WARS2: variants seen among roughly 807,000 people sequenced by gnomAD.
WARS2 encodes tryptophan--tRNA ligase, mitochondrial.
A neutral mutation model predicts 36.5 loss-of-function variants in WARS2; 28 were observed. That is an observed-to-expected ratio of 0.77 (90% CI 0.57 to 1.05). WARS2 has a LOEUF of 1.05. Among genes scored for constraint, WARS2 ranks in the 50% least tolerant of loss-of-function variants. WARS2 has a pLI of 0.00. For missense variants in WARS2, 435 were observed against 456.8 expected, an observed-to-expected ratio of 0.95 and a Z score of 0.44; for synonymous variants, 174 against 178.4, an observed-to-expected ratio of 0.98 and a Z score of 0.20.
Position 119,103,012 on chromosome 1 carries a change from T to C in WARS2, c.91-26405A>G, listed in dbSNP as rs74500646. Among the ~76,000 whole-genome samples the C allele has an allele frequency of 7.5e-3, 1,136 of 152,354 alleles. 4 individuals are homozygous for C. The highest frequency in any genetic ancestry group is 0.013 in the Non-Finnish European group (858 of 68,026). The stretch of plus-strand genomic sequence containing the variant: ...TTTTTATTCTCAATAAATGGGGATC[T>C]AAAGCAGCAGTTTTCTACTTTTTTT... On this transcript the variant is annotated intron_variant, in intron 1 of 5. Transcript: ENST00000235521.
chr1:119,113,950 T>C (rs940406012), intron 1 of WARS2, among the ~76,000 whole-genome samples: 6 of 152,162 alleles, frequency 3.9e-5, no homozygotes, highest in Non-Finnish European at 8.8e-5. Flanking sequence ...TAAACTTGTC[T>C]ATTCTAAGTT....
intron 2 of WARS2, among the ~76,000 whole-genome samples, chr1:119,068,737 A>G (rs1014429923): frequency 1.3e-5 from 2 of 152,174 alleles, no homozygotes; most frequent in African/African-American, 4.8e-5. Context: ...GAAATAAAAG[A>G]CCATTAACTA....
intron 2 of WARS2, among the ~76,000 whole-genome samples, chr1:119,050,200 A>C (rs2101149980): frequency 6.6e-6 from 1 of 152,174 alleles, no homozygotes; most frequent in Non-Finnish European, 1.5e-5. Flanking sequence ...CTCTTACATT[A>C]AGGGCTTGCA....
At chr1:119,069,639 T>C (rs904489841) in intron 2 of WARS2, among the ~76,000 whole-genome samples, 3 of 152,178 alleles carry the variant, frequency 2.0e-5, no homozygotes, top group Non-Finnish European at 4.4e-5. Context: ...AGTGGTGTAG[T>C]AGAAGAAACA....
intron 1 of WARS2, among the ~76,000 whole-genome samples, chr1:119,094,656 C>T (rs867265383): frequency 1.3e-5 from 2 of 152,072 alleles, no homozygotes; most frequent in South Asian, 2.1e-4. Context: ...ATATATCCAT[C>T]ATCCCACATA....
chr1:119,140,241 A>G (rs755911440), intron 1 of WARS2: 5 of 276,480 alleles, frequency 1.8e-5, no homozygotes, highest in Non-Finnish European at 3.4e-5. Flanking sequence ...CCCGTCTCTG[A>G]AAACATCACA....
intron 2 of WARS2, among the ~76,000 whole-genome samples, chr1:119,070,474 C>G (rs1375565458): frequency 1.3e-5 from 2 of 152,010 alleles, no homozygotes; most frequent in Non-Finnish European, 2.9e-5. Context: ...ACCTTGTTAC[C>G]CAGGCTGATC....
chr1:119,108,143 CTTGTAATGTCT>C (rs1654373964), intron 1 of WARS2, among the ~76,000 whole-genome samples: 2 of 151,838 alleles, frequency 1.3e-5, no homozygotes, highest in African/African-American at 4.8e-5. Flanking sequence ...ATTTTCTCTT[CTTGTAATGTCT>C]TTGTATTTTG....
chr1:119,140,612 C>A lies in WARS2; in HGVS notation c.33G>T (p.Glu11Asp). Residue 11 changes from glutamate to aspartate, a missense_variant, in exon 1 of 6, where the codon GAG (glutamate) becomes GAT (aspartate). Physicochemically the swap from Glu to Asp is conservative, Grantham distance 45. Transcript: ENST00000235521. MALHSMRKAR[E>D]RWSFIRALHK... ...GAAGTGCCCGGATGAAGCTCCAGCG[C>A]TCACGCGCTTTCCGCATTGAGTGCA... The A allele has an allele frequency of 6.2e-7, 1 of 1,613,926 alleles. No homozygotes were observed. The highest frequency in any genetic ancestry group is 2.2e-5 in the East Asian group (1 of 44,856).
At position 119,050,728 on chromosome 1, in the gene WARS2, C is replaced by A. The variant is rs574730393; in HGVS notation, c.349-5066G>T. 2.6e-5 allele frequency among the ~76,000 whole-genome samples: 4 copies of A among 151,760 alleles called. No homozygotes were observed. In the East Asian group the frequency reaches 5.8e-4, roughly 22 times the overall value. ...AAGTACTGTACTATTATACCAACTA[C>A]GAAAAAAATTTTAAACCATACAAAC... is the stretch of plus-strand genomic sequence containing the variant. On this transcript the variant is annotated intron_variant, in intron 2 of 5. Transcript: ENST00000235521.
intron 2 of WARS2, among the ~76,000 whole-genome samples, chr1:119,052,172 T>A (rs562561205): frequency 6.6e-6 from 1 of 152,192 alleles, no homozygotes; most frequent in East Asian, 1.9e-4. Flanking sequence ...CTGAAAGATA[T>A]AGCTGCTAGG....
intron 1 of WARS2, among the ~76,000 whole-genome samples, chr1:119,136,855 G>T (rs1656546173): frequency 6.6e-6 from 1 of 152,138 alleles, no homozygotes; most frequent in African/African-American, 2.4e-5. Context: ...AAATAAGGTG[G>T]CAATACCTGC....
chr1:119,045,661 A>G lies in WARS2; in HGVS notation c.350T>C (p.Val117Ala). 2 of 1,583,220 alleles carry G rather than the reference A, an allele frequency of 1.3e-6. No homozygotes were observed. Among genetic ancestry groups the G allele is most frequent in the Non-Finnish European group, 1.7e-6 (2 of 1,160,898 alleles). Reference sequence around the variant, plus strand: ...CCAACTTAATTGTGTGTGTTCAGACACCTAAAGAAATAAAATAGAACATTA... The same window carrying G: ...CCAACTTAATTGTGTGTGTTCAGACGCCTAAAGAAATAAAATAGAACATTA... ...EKSILFQQSQ[V>A]SEHTQLSWIL... Residue 117 changes from valine to alanine, a missense_variant and splice_region_variant, in exon 3 of 6, where the codon GTG becomes GCG. Physicochemically the swap from Val to Ala is moderately conservative, Grantham distance 64. Transcript: ENST00000235521.
intron 1 of WARS2, chr1:119,126,912 C>G: frequency 1.3e-6 from 1 of 789,604 alleles, no homozygotes; most frequent in African/African-American, 1.7e-5. Flanking sequence ...TTTAGTAAAA[C>G]CAACACAGAA....
chr1:119,068,830 C>A (rs1651077815), intron 2 of WARS2, among the ~76,000 whole-genome samples: 1 of 133,660 alleles, frequency 7.5e-6, no homozygotes, highest in Non-Finnish European at 1.6e-5. Context: ...CTCTTACTCT[C>A]TCTCTCTCTC....
intron 1 of WARS2, among the ~76,000 whole-genome samples, chr1:119,129,959 T>C (rs746481497): frequency 6.6e-6 from 1 of 152,162 alleles, no homozygotes; most frequent in Non-Finnish European, 1.5e-5. Flanking sequence ...TCTCTGCATT[T>C]ATCAAGGTGC....
At position 119,034,230 on chromosome 1, in the gene WARS2, A is replaced by G; in HGVS notation, c.516-17T>C. Reference sequence around the variant, plus strand: ...TGTGTGGACCTTTAATAAAAGACAGACAGAAAAACAACAGCAAGGCTCTTT... The same window carrying G: ...TGTGTGGACCTTTAATAAAAGACAGGCAGAAAAACAACAGCAAGGCTCTTT... On this transcript the variant is annotated splice_polypyrimidine_tract_variant and intron_variant, in intron 4 of 5. Coordinates refer to ENST00000235521, the MANE Select transcript of WARS2 (RefSeq NM_015836.4). 1 of 1,599,096 alleles carries G rather than the reference A, an allele frequency of 6.3e-7. No homozygotes were observed. The highest frequency in any genetic ancestry group is 1.1e-5 in the South Asian group (1 of 90,316).
chr1:119,118,790 CA>C (rs1352840056), intron 1 of WARS2, among the ~76,000 whole-genome samples: 1 of 152,066 alleles, frequency 6.6e-6, no homozygotes, highest in Non-Finnish European at 1.5e-5. Flanking sequence ...CCTCCTTAAA[CA>C]AAATAATTAT....
intron 1 of WARS2, among the ~76,000 whole-genome samples, chr1:119,106,033 T>C (rs10923749): frequency 0.44 from 66,710 of 152,000 alleles, 15,698 homozygotes; most frequent in East Asian, 0.84. Flanking sequence ...TTACTAAAGA[T>C]TTTAATAAGA....
Sources: gnomAD v4.1 joint callset for allele counts (sites outside exome capture counted in the v4.1 genomes callset) on GRCh38, gnomAD v4.1.1 for gene constraint, MANE v1.5 for transcripts, NCBI Gene and HGNC (gene_info 2026-07-23, HGNC 2026-07-21) for gene names.